The following TACC2 variants were observed in gnomAD, a reference collection of about 807,000 sequenced individuals.
TACC2 encodes transforming acidic coiled-coil-containing protein 2.
A neutral mutation model predicts 227.3 loss-of-function variants in TACC2; 137 were observed. That is an observed-to-expected ratio of 0.60 (90% CI 0.52 to 0.69). The LOEUF is 0.69. Ranked by LOEUF, TACC2 falls within the 30% of genes least tolerant of loss-of-function variation. The pLI, the probability that TACC2 is intolerant of heterozygous loss-of-function variation, is 0.00. For synonymous variants in TACC2, 1,523 were observed against 1,487.5 expected, an observed-to-expected ratio of 1.02 and a Z score of -0.55; for missense variants, 3,470 against 3,694.4, an observed-to-expected ratio of 0.94 and a Z score of 1.57.
chr10:122,244,852 TG>T (rs1223870330), intron 19 of TACC2, among the ~76,000 whole-genome samples: 4 of 152,234 alleles, frequency 2.6e-5, no homozygotes, highest in Non-Finnish European at 4.4e-5. Context: ...GTCCTGCCGT[TG>T]TTATTCATTT....
Position 122,151,100 on chromosome 10 carries a change from G to A in TACC2, c.5834+7394G>A, listed in dbSNP as rs557489702. On this transcript the variant is annotated intron_variant, in intron 7 of 22. Transcript: ENST00000369005. ...TAGCTCAGTGTTTGACAAGTAGGAG[G>A]CATTGAATTCACATTCCCCCCACTC... Among the ~76,000 whole-genome samples, 36 of 152,292 alleles carry A rather than the reference G, an allele frequency of 2.4e-4. No homozygotes were observed. The Middle Eastern group carries it at 0.024, about 101-fold the overall frequency.
rs1957860451 is a variant in TACC2, at chr10:122,025,420, T to C, written c.33+3406T>C. The stretch of plus-strand genomic sequence containing the variant: ...GGATTACACGCGCATGCCACCATGC[T>C]TGGCTAATTTTTTTGTATTTTTAGT... On this transcript the variant is annotated intron_variant, in intron 2 of 22. Transcript: ENST00000369005. 5.3e-5 allele frequency among the ~76,000 whole-genome samples: 8 copies of C among 150,182 alleles called. No individual in the cohort carries two copies. In the South Asian group the frequency reaches 1.7e-3, roughly 32 times the overall value.
chr10:122,035,629 C>G (rs1378678345), intron 2 of TACC2, among the ~76,000 whole-genome samples: 3 of 152,002 alleles, frequency 2.0e-5, no homozygotes, highest in Non-Finnish European at 4.4e-5. Context: ...ATAAGATTTA[C>G]CATTGTAACT....
intron 7 of TACC2, among the ~76,000 whole-genome samples, chr10:122,178,493 T>C (rs1214237875): frequency 1.3e-5 from 2 of 152,076 alleles, no homozygotes; most frequent in Non-Finnish European, 2.9e-5. Flanking sequence ...CTCCTAGACC[T>C]CCCAAAGTGC....
At chr10:122,221,696 A>G (rs1184646397) in intron 11 of TACC2, among the ~76,000 whole-genome samples, 1 of 152,228 alleles carries the variant, frequency 6.6e-6, no homozygotes, top group East Asian at 1.9e-4. Context: ...ATGAGCAGGA[A>G]TATATCTGAT....
At chr10:122,143,817 G>A (rs1234702432) in intron 7 of TACC2, 111 bp downstream of exon 7, 23 of 1,267,348 alleles carry the variant, frequency 1.8e-5, no homozygotes, top group Non-Finnish European at 2.5e-5. Context: ...ACAAGGTGGT[G>A]ACCATTTGGC....
chr10:122,085,976 T>C lies in TACC2; in HGVS notation c.3476T>C (p.Leu1159Pro). 6.2e-7 allele frequency: 1 copy of C among 1,613,880 alleles called. No individual in the cohort carries two copies. The highest frequency in any genetic ancestry group is 1.1e-5 in the South Asian group (1 of 91,056). The stretch of plus-strand genomic sequence containing the variant: ...GGAGAAGCTACTTTGAGTTGTGGCC[T>C]CCTTCAGACTGAGCACTGCCTTACC... ...KPGEATLSCG[L>P]LQTEHCLTSG... Residue 1159 changes from leucine to proline, a missense_variant, in exon 4 of 23, where the codon CTC becomes CCC. By Grantham distance (98) the Leu-to-Pro change is moderately conservative (BLOSUM62 -3). Transcript: ENST00000369005.
chr10:122,170,281 T>TTG (rs2093405529), intron 7 of TACC2, among the ~76,000 whole-genome samples: 1 of 143,584 alleles, frequency 7.0e-6, no homozygotes, highest in East Asian at 2.0e-4. Flanking sequence ...TTTTTTTTTT[T>TTG]TTTTTTGAGG....
At chr10:122,041,399 C>A (rs967083713) in intron 2 of TACC2, among the ~76,000 whole-genome samples, 2 of 150,742 alleles carry the variant, frequency 1.3e-5, no homozygotes, top group African/African-American at 2.4e-5. Flanking sequence ...AGTTAAGCAG[C>A]AAGAATTAAT....
In TACC2 at chr10:122,086,326, C is replaced by G. The variant is rs1274850801; in HGVS notation, c.3826C>G (p.Leu1276Val). The change falls in exon 4 of 23, where the codon CTT becomes GTT. Residue 1276 changes from leucine to valine, a missense_variant. By Grantham distance (32) the Leu-to-Val change is conservative. Transcript: ENST00000369005. ...CCCCTGTCCTGTAGGGGAGCCCCCA[C>G]TTGCCTTGGAAAATGCTGCCTCCTT... ...ESPCPVGEPP[L>V]ALENAASLKL... 3.1e-6 allele frequency: 5 copies of G among 1,613,758 alleles called. No homozygotes were observed. Among genetic ancestry groups the G allele is most frequent in the Non-Finnish European group, 2.5e-6 (3 of 1,180,036 alleles).
chr10:122,156,774 T>C (rs1446083349), intron 7 of TACC2, among the ~76,000 whole-genome samples: 2 of 152,150 alleles, frequency 1.3e-5, no homozygotes, highest in African/African-American at 4.8e-5. Context: ...TGCTTTCTGG[T>C]TTTTGGCACT....
chr10:122,098,038 G>A (rs2081663889), intron 5 of TACC2, among the ~76,000 whole-genome samples: 2 of 152,132 alleles, frequency 1.3e-5, no homozygotes, highest in Admixed American at 6.5e-5. Context: ...AAATGGTTAG[G>A]TGGGTAGGTA....
At chr10:122,252,536 G>A (rs2096272608) in intron 22 of TACC2, among the ~76,000 whole-genome samples, 1 of 151,724 alleles carries the variant, frequency 6.6e-6, no homozygotes, top group Admixed American at 6.6e-5. Flanking sequence ...TGTTGCCCAG[G>A]CTGGAGTGCA....
chr10:122,084,075 G>A lies in TACC2; in HGVS notation c.1575G>A (p.Glu525=). The change falls in exon 4 of 23, where the codon GAG becomes GAA. Residue 525 remains glutamate, a synonymous_variant. Transcript: ENST00000369005. ...CTCTTCCCAAGGAGCAAAGCCATGA[G>A]GTCCAACCAGGAGCACCACCCCCTC... The part of the protein sequence containing the change: ...PPPLPKEQSH[E]VQPGAPPPPL... 1.2e-6 allele frequency: 2 copies of A among 1,613,978 alleles called. No homozygotes were observed. The highest frequency in any genetic ancestry group is 1.7e-6 in the Non-Finnish European group (2 of 1,179,998).
chr10:122,226,562 C>A, intron 13 of TACC2, 81 bp downstream of exon 13: 1 of 1,029,458 alleles, frequency 9.7e-7, no homozygotes, highest in Non-Finnish European at 1.5e-6. Context: ...GTTATTTTGA[C>A]TTCATTTCAG....
At chr10:122,097,196 G>T (rs2081540543) in intron 5 of TACC2, among the ~76,000 whole-genome samples, 1 of 152,108 alleles carries the variant, frequency 6.6e-6, no homozygotes, top group African/African-American at 2.4e-5. Flanking sequence ...TGGTGTGGTG[G>T]TACATGCCTG....
chr10:122,225,951 C>G (rs2095619615), intron 12 of TACC2, among the ~76,000 whole-genome samples: 1 of 152,190 alleles, frequency 6.6e-6, no homozygotes, highest in Non-Finnish European at 1.5e-5. Context: ...AGTTGCTCTC[C>G]AGGCCCTGCC....
chr10:122,237,179 C>T (rs2095873282), intron 16 of TACC2, among the ~76,000 whole-genome samples: 1 of 152,156 alleles, frequency 6.6e-6, no homozygotes, highest in African/African-American at 2.4e-5. Context: ...TGCCATTAGC[C>T]CCTTTGTCTG....
chr10:122,131,903 T>C (rs185310070), intron 5 of TACC2, among the ~76,000 whole-genome samples: 2 of 152,104 alleles, frequency 1.3e-5, no homozygotes, highest in East Asian at 3.9e-4. Flanking sequence ...GTGCCTATAA[T>C]TCCAGCCACT....
Sources: gnomAD v4.1 joint callset for allele counts (sites outside exome capture counted in the v4.1 genomes callset) on GRCh38, gnomAD v4.1.1 for gene constraint, MANE v1.5 for transcripts, NCBI Gene and HGNC (gene_info 2026-07-23, HGNC 2026-07-21) for gene names.